The following NTM variants were observed in gnomAD, a reference collection of about 807,000 sequenced individuals.
NTM encodes IgLON family member 2.
In NTM, 13 loss-of-function variants were observed where a neutral mutation model predicts 42.1. The ratio of observed to expected loss-of-function variants is 0.31; its 90% CI spans 0.20 to 0.49. NTM has a LOEUF of 0.49. NTM is among the 20% of genes least tolerant of loss of function. The pLI, the probability that NTM is intolerant of heterozygous loss-of-function variation, is 0.99. For missense variants in NTM, 373 were observed against 452.8 expected, an observed-to-expected ratio of 0.82 and a Z score of 1.60; for synonymous variants, 187 against 179.2, an observed-to-expected ratio of 1.04 and a Z score of -0.35.
intron 4 of NTM, among the ~76,000 whole-genome samples, chr11:132,276,130 C>T (rs185866917): frequency 6.6e-6 from 1 of 152,074 alleles, no homozygotes; most frequent in Non-Finnish European, 1.5e-5. Flanking sequence ...TTCACTTAAC[C>T]TGCTGCCCTC....
chr11:131,468,108 T>C (rs2136157364), intron 1 of NTM, among the ~76,000 whole-genome samples: 1 of 152,336 alleles, frequency 6.6e-6, no homozygotes, highest in East Asian at 1.9e-4. Flanking sequence ...GTACGGTGGC[T>C]TCCACACTGC....
chr11:131,739,203 A>T (rs1300989625), intron 1 of NTM, among the ~76,000 whole-genome samples: 2 of 151,692 alleles, frequency 1.3e-5, no homozygotes, highest in African/African-American at 4.8e-5. Flanking sequence ...TTTTTTTTAA[A>T]GAGTCCAGTG....
chr11:132,332,203 G>A (rs948217487), intron 8 of NTM: 1 of 152,258 alleles, frequency 6.6e-6, no homozygotes, highest in Admixed American at 6.5e-5. Flanking sequence ...TGTCTCATTT[G>A]AGAGAATGCC....
intron 3 of NTM, among the ~76,000 whole-genome samples, chr11:132,183,225 A>G (rs1415257802): frequency 6.6e-6 from 1 of 152,188 alleles, no homozygotes; most frequent in Non-Finnish European, 1.5e-5. Context: ...CACATTTGTA[A>G]TGACTCTTCA....
chr11:132,315,831 T>A (rs919485170), intron 7 of NTM, among the ~76,000 whole-genome samples: 1 of 152,120 alleles, frequency 6.6e-6, no homozygotes, highest in Non-Finnish European at 1.5e-5. Context: ...CCGCCCTTGA[T>A]CCCCGAGCCA....
At chr11:131,825,382 G>A (rs913430562) in intron 1 of NTM, among the ~76,000 whole-genome samples, 6 of 151,152 alleles carry the variant, frequency 4.0e-5, no homozygotes, top group Non-Finnish European at 8.8e-5. Flanking sequence ...ATGAATTTTT[G>A]TATGGTGGTG....
chr11:131,708,487 T>C (rs1338931481), intron 1 of NTM, among the ~76,000 whole-genome samples: 1 of 152,084 alleles, frequency 6.6e-6, no homozygotes, highest in Non-Finnish European at 1.5e-5. Flanking sequence ...ATGAAACAAA[T>C]ATATGAAAAT....
rs932854819 is a variant in NTM, at chr11:131,699,683, C to T, written c.83-211881C>T. On this transcript the variant is annotated intron_variant, in intron 1 of 8. Transcript: ENST00000683400. ...ATCATGGAGGAAGGGGAAGCAAACG[C>T]GTCCTCCTTCACATGAAGGCAGGAA... Among the ~76,000 whole-genome samples, 8 of 152,026 alleles carry T rather than the reference C, an allele frequency of 5.3e-5. No homozygotes were observed. The East Asian group carries it at 5.8e-4, about 11-fold the overall frequency.
At chr11:131,636,006 C>A (rs1277083022) in intron 1 of NTM, among the ~76,000 whole-genome samples, 1 of 152,206 alleles carries the variant, frequency 6.6e-6, no homozygotes, top group Non-Finnish European at 1.5e-5. Context: ...GGTCTACCAT[C>A]GAGGTTCGTG....
At chr11:132,237,193 G>A (rs2089167263) in intron 4 of NTM, among the ~76,000 whole-genome samples, 1 of 152,212 alleles carries the variant, frequency 6.6e-6, no homozygotes, top group African/African-American at 2.4e-5. Flanking sequence ...TCATCCTGAA[G>A]AAATGCCAGA....
intron 4 of NTM, among the ~76,000 whole-genome samples, chr11:132,232,644 A>G (rs553825788): frequency 1.3e-5 from 2 of 152,366 alleles, no homozygotes; most frequent in South Asian, 4.1e-4. Context: ...TCTGTAAAAT[A>G]GGATCAGAAT....
intron 1 of NTM, among the ~76,000 whole-genome samples, chr11:131,423,302 C>T (rs569906895): frequency 6.0e-4 from 92 of 152,316 alleles, no homozygotes; most frequent in Non-Finnish European, 1.1e-3. Context: ...ATCTCACCAA[C>T]TAAGTGTCTG....
chr11:131,423,980 T>A (rs1001751508), intron 1 of NTM, among the ~76,000 whole-genome samples: 1 of 152,210 alleles, frequency 6.6e-6, no homozygotes, highest in Non-Finnish European at 1.5e-5. Context: ...GGTGCCCACC[T>A]GACCAGCTGG....
intron 4 of NTM, among the ~76,000 whole-genome samples, chr11:132,234,796 CTGTT>C (rs1296991367): frequency 6.6e-6 from 1 of 152,170 alleles, no homozygotes; most frequent in Non-Finnish European, 1.5e-5. Flanking sequence ...TTATTGTTAA[CTGTT>C]TGAAGTATGT....
chr11:131,963,007 C>T (rs1449448918), intron 2 of NTM, among the ~76,000 whole-genome samples: 2 of 152,144 alleles, frequency 1.3e-5, no homozygotes, highest in African/African-American at 4.8e-5. Context: ...ATTTCATATC[C>T]CTGACACAGC....
Position 131,370,855 on chromosome 11 carries a change from T to C in NTM, c.49T>C (p.Phe17Leu). ...GCACAATTCTATCTCTTGGGCAATCTTCACGGGGCTGGCTGCTCTGTGTCT... is the reference window on the plus strand; with the variant it reads ...GCACAATTCTATCTCTTGGGCAATCCTCACGGGGCTGGCTGCTCTGTGTCT... Reference protein sequence around the residue: ...KMHNSISWAIFTGLAALCLFQ... With the variant: ...KMHNSISWAILTGLAALCLFQ... Residue 17 changes from phenylalanine to leucine, a missense_variant, in exon 1 of 9, where the codon TTC becomes CTC. Physicochemically the swap from Phe to Leu is conservative, Grantham distance 22 (BLOSUM62 0). Transcript: ENST00000683400. 6.2e-7 allele frequency: 1 copy of C among 1,614,198 alleles called. No homozygotes were observed.
At chr11:131,673,403 G>A (rs2070766735) in intron 1 of NTM, among the ~76,000 whole-genome samples, 1 of 152,120 alleles carries the variant, frequency 6.6e-6, no homozygotes, top group Non-Finnish European at 1.5e-5. Context: ...AGGATCACAG[G>A]GCCCTTTCTG....
chr11:131,609,876 T>C (rs555010842), intron 1 of NTM, among the ~76,000 whole-genome samples: 2 of 152,318 alleles, frequency 1.3e-5, no homozygotes, highest in East Asian at 1.9e-4. Context: ...AGGCTTTCCA[T>C]CTGCAGAGGT....
At chr11:131,477,264 T>C (rs1325404950) in intron 1 of NTM, among the ~76,000 whole-genome samples, 2 of 152,116 alleles carry the variant, frequency 1.3e-5, no homozygotes, top group Non-Finnish European at 1.5e-5. Context: ...AAAACAGATT[T>C]ATGAAGTCAG....
Sources: allele counts gnomAD v4.1 joint callset (sites outside exome capture counted in the v4.1 genomes callset), GRCh38; gene constraint gnomAD v4.1.1; transcripts MANE v1.5; gene names NCBI Gene and HGNC (gene_info 2026-07-23, HGNC 2026-07-21).